SOS1: variants seen among roughly 807,000 people sequenced by gnomAD.
The protein encoded by SOS1 is SOS Ras/Rac guanine nucleotide exchange factor 1.
A neutral mutation model predicts 157.6 loss-of-function variants in SOS1; 25 were observed. That is an observed-to-expected ratio of 0.16 (90% CI 0.12 to 0.22). SOS1 has a LOEUF of 0.22. Ranked by LOEUF, SOS1 falls within the 10% of genes least tolerant of loss-of-function variation. The probability of loss-of-function intolerance (pLI) is 1.00; values close to 1 mark genes in which losing one functional copy is unlikely to be tolerated. For synonymous variants in SOS1, 528 were observed against 534.0 expected (o/e 0.99, Z 0.16); for missense variants, 1,237 against 1,599.1 (o/e 0.77, Z 3.86).
chr2:38,997,381 C>T lies in SOS1; in HGVS notation c.2836G>A (p.Glu946Lys). The T allele has an allele frequency of 6.2e-7, 1 of 1,611,874 alleles. No homozygotes were observed. The highest frequency in any genetic ancestry group is 8.5e-7 in the Non-Finnish European group (1 of 1,178,324). The change falls in exon 18 of 23, where the codon GAG becomes AAG. Residue 946 changes from glutamate (E) to lysine (K), a missense_variant. Around this residue, in one of 15 missense-constraint regions of SOS1, gnomAD observed 105 missense variants for 236.0 expected, o/e 0.44. Transcript: ENST00000402219. ...NILKTEEGNP[E>K]VLKRHGKELI... ...TCTTTTCCATGTCTTTTTAGGACCT[C>T]AGGGTTGCCTTCTTCTGTTTTCAAG...
chr2:39,044,317 T>C (rs1345131474), intron 6 of SOS1, among the ~76,000 whole-genome samples: 1 of 152,184 alleles, frequency 6.6e-6, no homozygotes, highest in African/African-American at 2.4e-5. Flanking sequence ...ACACCTAGTA[T>C]GTGTGTTTCC....
chr2:39,049,474 ATTCC>A (rs986405604), intron 6 of SOS1, among the ~76,000 whole-genome samples: 6 of 152,302 alleles, frequency 3.9e-5, no homozygotes, highest in Middle Eastern at 6.8e-3. Flanking sequence ...AATGGATCAT[ATTCC>A]TTCACTTATC....
intron 1 of SOS1, among the ~76,000 whole-genome samples, chr2:39,078,404 A>G (rs1455290618): frequency 6.6e-6 from 1 of 152,240 alleles, no homozygotes; most frequent in Non-Finnish European, 1.5e-5. Flanking sequence ...AGTAAAGTCA[A>G]ATACACACAC....
Position 38,995,135 on chromosome 2 carries a change from G to A in SOS1, c.3334C>T (p.Pro1112Ser), listed in dbSNP as rs999553936. The stretch of plus-strand genomic sequence containing the variant: ...TTTTTGCACCTACTTGAGTGAAAAG[G>A]GCTCGAATGATCGGAATCAAATACA... ...CSVFDSDHSS[P>S]FHSSNDTVFI... The change falls in exon 20 of 23, where the codon CCT becomes TCT. Residue 1112 changes from proline to serine, a missense_variant. Physicochemically the swap from Pro to Ser is moderately conservative, Grantham distance 74. Coordinates refer to ENST00000402219, the MANE Select transcript of SOS1 (RefSeq NM_005633.4). The A allele has an allele frequency of 2.5e-6, 4 of 1,613,734 alleles. No individual in the cohort carries two copies. The highest frequency in any genetic ancestry group is 3.4e-6 in the Non-Finnish European group (4 of 1,179,890).
upstream of SOS1, among the ~76,000 whole-genome samples, chr2:39,122,471 CACAT>C (rs1345045614): frequency 7.2e-5 from 10 of 139,168 alleles, no homozygotes; most frequent in East Asian, 2.3e-4. Flanking sequence ...CACACACACA[CACAT>C]ACACACAGAC....
chr2:39,001,445 C>A (rs1669096224), intron 17 of SOS1, among the ~76,000 whole-genome samples: 2 of 152,290 alleles, frequency 1.3e-5, no homozygotes, highest in Admixed American at 6.5e-5. Flanking sequence ...GTGTTATAGA[C>A]CTGAAACATC....
In SOS1 at chr2:39,120,995, G is replaced by A. The variant is rs1456187325; in HGVS notation, c.-573C>T. 7 of 174,422 alleles carry A rather than the reference G, an allele frequency of 4.0e-5. No individual in the cohort carries two copies. The East Asian group carries it at 1.0e-3, about 25-fold the overall frequency. The allele number at this position is 174,422 out of a possible 1,614,324, so 10.8% of individuals were successfully genotyped here. On this transcript the variant is annotated 5_prime_UTR_variant, in exon 1 of 23. Transcript: ENST00000402219. ...TGCCGCCGCGGCCGCCGCCGCCACCGCCGCCGCCGGTGTAGCGCTGGAGCT... is the reference window on the plus strand; with the variant it reads ...TGCCGCCGCGGCCGCCGCCGCCACCACCGCCGCCGGTGTAGCGCTGGAGCT...
intron 4 of SOS1, among the ~76,000 whole-genome samples, chr2:39,055,205 T>G (rs1267074806): frequency 6.6e-6 from 1 of 152,194 alleles, no homozygotes; most frequent in Admixed American, 6.5e-5. Context: ...TTTATAGCTG[T>G]CTATTCGGCC....
intron 8 of SOS1, among the ~76,000 whole-genome samples, chr2:39,029,275 T>C (rs184229248): frequency 1.3e-5 from 2 of 152,356 alleles, no homozygotes; most frequent in Admixed American, 6.5e-5. Flanking sequence ...CTCTCTGTTC[T>C]AATCAGAGAA....
intron 3 of SOS1, among the ~76,000 whole-genome samples, chr2:39,058,078 T>C (rs898728189): frequency 1.3e-5 from 2 of 152,096 alleles, no homozygotes; most frequent in Non-Finnish European, 2.9e-5. Flanking sequence ...ATCTAAGTTT[T>C]TAATTATTAT....
chr2:39,097,435 T>C (rs1672811016), intron 1 of SOS1, among the ~76,000 whole-genome samples: 1 of 152,204 alleles, frequency 6.6e-6, no homozygotes, highest in African/African-American at 2.4e-5. Flanking sequence ...CACTCAAGAC[T>C]TTCTGATTCA....
chr2:39,048,259 T>A (rs906001533), intron 6 of SOS1, among the ~76,000 whole-genome samples: 3 of 152,210 alleles, frequency 2.0e-5, no homozygotes, highest in African/African-American at 7.2e-5. Context: ...AATACTGTAG[T>A]TGGGTAGAAA....
Position 39,035,467 on chromosome 2 carries a change from G to A in SOS1, c.898C>T (p.Arg300Ter). Residue 300 changes from arginine (R) to a stop codon, truncating the protein, a stop_gained, in exon 7 of 23, where the codon CGA becomes TGA. Transcript: ENST00000402219. LOFTEE classifies it high-confidence loss of function. ...TGAAAACCAGGTCGCAAAATATCTC[G>A]AGCATACGATTCATATGGATCAAAT... is the stretch of plus-strand genomic sequence containing the variant. ...LAFDPYESYA[R>*]DILRPGFHDR... 6.2e-7 allele frequency: 1 copy of A among 1,613,206 alleles called. No homozygotes were observed. Among genetic ancestry groups the A allele is most frequent in the Non-Finnish European group, 8.5e-7 (1 of 1,179,352 alleles).
chr2:39,057,070 A>C (rs1671238385), intron 3 of SOS1, among the ~76,000 whole-genome samples: 1 of 152,248 alleles, frequency 6.6e-6, no homozygotes, highest in Admixed American at 6.5e-5. Flanking sequence ...AAGGCAAGGC[A>C]AAATTACCTC....
At chr2:39,021,113 A>C (rs1421625547) in intron 10 of SOS1, among the ~76,000 whole-genome samples, 1 of 151,684 alleles carries the variant, frequency 6.6e-6, no homozygotes, top group Non-Finnish European at 1.5e-5. Flanking sequence ...CCAAAGCTAA[A>C]AATTGATATA....
At chr2:39,076,262 T>C (rs1167174256) in intron 1 of SOS1, among the ~76,000 whole-genome samples, 1 of 152,134 alleles carries the variant, frequency 6.6e-6, no homozygotes, top group African/African-American at 2.4e-5. Context: ...TAGCCAGGCA[T>C]GGTAGCACAC....
intron 17 of SOS1, 45 bp from the exon 18 acceptor site, chr2:38,997,470 G>A (rs1668932949): frequency 3.7e-6 from 5 of 1,358,766 alleles, no homozygotes; most frequent in Non-Finnish European, 5.0e-6. Context: ...GAAGGAAAAT[G>A]CAAGTTTTTT....
At chr2:39,103,057 T>C (rs978112100) in intron 1 of SOS1, among the ~76,000 whole-genome samples, 2 of 152,158 alleles carry the variant, frequency 1.3e-5, no homozygotes, top group African/African-American at 2.4e-5. Context: ...CCATTTAACA[T>C]TGAAAAGAAC....
chr2:39,068,479 A>C (rs1380674028), intron 1 of SOS1, among the ~76,000 whole-genome samples: 6 of 152,204 alleles, frequency 3.9e-5, no homozygotes, highest in African/African-American at 1.4e-4. Context: ...TAAATGATAA[A>C]ATCCAGGAGG....
Sources: allele counts gnomAD v4.1 joint callset (sites outside exome capture counted in the v4.1 genomes callset), GRCh38; gene constraint gnomAD v4.1.1; regional missense constraint gnomAD v4.1.1; transcripts MANE v1.5; gene names NCBI Gene and HGNC (gene_info 2026-07-23, HGNC 2026-07-21).